The following PAPSS1 variants were observed in gnomAD, a reference collection of about 807,000 sequenced individuals.
PAPSS1 encodes 3'-phosphoadenosine 5'-phosphosulfate synthase 1.
PAPSS1 carries 50 observed loss-of-function variants against 72.0 expected under a neutral mutation model. That is an observed-to-expected ratio of 0.69 (90% CI 0.55 to 0.88). PAPSS1 has a LOEUF of 0.88. PAPSS1 is among the 40% of genes least tolerant of loss of function. PAPSS1 has a pLI of 0.00. For synonymous variants in PAPSS1, 261 were observed against 263.6 expected (o/e 0.99, Z 0.09); for missense variants, 657 against 782.2 (o/e 0.84, Z 1.91).
chr4:107,697,937 C>T (rs1723111544), intron 2 of PAPSS1, among the ~76,000 whole-genome samples: 1 of 152,170 alleles, frequency 6.6e-6, no homozygotes, highest in South Asian at 2.1e-4. Flanking sequence ...TCCGTCCACA[C>T]ACCAAGGACT....
intron 5 of PAPSS1, among the ~76,000 whole-genome samples, chr4:107,671,845 T>A (rs1727477511): frequency 6.6e-6 from 1 of 152,228 alleles, no homozygotes; most frequent in Non-Finnish European, 1.5e-5. Context: ...TTGTATTCTT[T>A]TTCATTGTTG....
chr4:107,614,634 T>C (rs753979177), intron 11 of PAPSS1, among the ~76,000 whole-genome samples: 5 of 152,172 alleles, frequency 3.3e-5, no homozygotes, highest in East Asian at 1.9e-4. Context: ...TAGAGTCACA[T>C]GAAATTGTAA....
At chr4:107,653,080 T>C (rs944476614) in intron 9 of PAPSS1, among the ~76,000 whole-genome samples, 2 of 148,598 alleles carry the variant, frequency 1.3e-5, no homozygotes, top group African/African-American at 4.9e-5. Context: ...TGAATACATA[T>C]ATGAATATAT....
chr4:107,697,261 A>G (rs891041911), intron 2 of PAPSS1, among the ~76,000 whole-genome samples: 1 of 152,252 alleles, frequency 6.6e-6, no homozygotes, highest in Non-Finnish European at 1.5e-5. Context: ...GCAAGCCCTA[A>G]GCATAGCTGC....
intron 2 of PAPSS1, among the ~76,000 whole-genome samples, chr4:107,700,837 C>T (rs1393968841): frequency 6.6e-6 from 1 of 152,120 alleles, no homozygotes; most frequent in Non-Finnish European, 1.5e-5. Flanking sequence ...GTTATAACAG[C>T]ATAAAATAGA....
chr4:107,653,426 G>GA (rs1337241175), intron 9 of PAPSS1, 65 bp downstream of exon 9: 104 of 1,502,442 alleles, frequency 6.9e-5, no homozygotes, highest in Non-Finnish European at 8.6e-5. Context: ...GTAAGCACTG[G>GA]AAAAAATCGT....
chr4:107,693,525 A>G (rs2125933352), intron 3 of PAPSS1, among the ~76,000 whole-genome samples: 1 of 152,350 alleles, frequency 6.6e-6, no homozygotes, highest in Non-Finnish European at 1.5e-5. Flanking sequence ...CTTAAATTCA[A>G]TGACTGTGTT....
chr4:107,710,264 A>G (rs571496919), intron 1 of PAPSS1, among the ~76,000 whole-genome samples: 2 of 152,256 alleles, frequency 1.3e-5, no homozygotes, highest in South Asian at 2.1e-4. Flanking sequence ...CACAGGAGAG[A>G]GAAACCAAGC....
chr4:107,657,415 C>T (rs11097958), intron 6 of PAPSS1, among the ~76,000 whole-genome samples: 4,587 of 152,196 alleles, frequency 0.03, 225 homozygotes, highest in African/African-American at 0.1. Context: ...AACCACTCTC[C>T]TTAACCAAGA....
At position 107,656,967 on chromosome 4, in the gene PAPSS1, G is replaced by T; in HGVS notation, c.824C>A (p.Ala275Glu). ...TCTCATAAAGCCATTCAATGGGGTTGCCCAACCTTCTGCCAAAACCTGCAC... is the reference window on the plus strand; with the variant it reads ...TCTCATAAAGCCATTCAATGGGGTTTCCCAACCTTCTGCCAAAACCTGCAC... Reference protein sequence around the residue: ...QWVQVLAEGWATPLNGFMRER... With the variant: ...QWVQVLAEGWETPLNGFMRER... The change falls in exon 7 of 12, where the codon GCA (alanine) becomes GAA (glutamate). Residue 275 changes from alanine (A) to glutamate (E), a missense_variant. Physicochemically the swap from Ala to Glu is moderately radical, Grantham distance 107. Coordinates refer to ENST00000265174, the MANE Select transcript of PAPSS1 (RefSeq NM_005443.5). 1 of 1,613,954 alleles carries T rather than the reference G, an allele frequency of 6.2e-7. No homozygotes were observed. Among genetic ancestry groups the T allele is most frequent in the Non-Finnish European group, 8.5e-7 (1 of 1,179,904 alleles).
intron 11 of PAPSS1, among the ~76,000 whole-genome samples, chr4:107,626,277 T>A (rs138773896): frequency 4.0e-4 from 61 of 152,224 alleles, no homozygotes; most frequent in African/African-American, 1.4e-3. Flanking sequence ...TATGTCCACC[T>A]GCCCATTCAT....
chr4:107,713,163 T>C (rs1723540688), intron 1 of PAPSS1, among the ~76,000 whole-genome samples: 1 of 152,014 alleles, frequency 6.6e-6, no homozygotes, highest in Non-Finnish European at 1.5e-5. Flanking sequence ...TTGGCCAGGC[T>C]AGTTGATACA....
At chr4:107,684,628 T>C (rs1301974554) in intron 4 of PAPSS1, among the ~76,000 whole-genome samples, 3 of 152,078 alleles carry the variant, frequency 2.0e-5, no homozygotes, top group East Asian at 1.9e-4. Context: ...CCTGAACAAT[T>C]CCCTTTCTAT....
At chr4:107,674,595 C>A (rs1479472992) in intron 5 of PAPSS1, among the ~76,000 whole-genome samples, 1 of 152,188 alleles carries the variant, frequency 6.6e-6, no homozygotes, top group African/African-American at 2.4e-5. Context: ...GAGACTTTAA[C>A]ACCTCACTGT....
intron 9 of PAPSS1, among the ~76,000 whole-genome samples, chr4:107,645,348 C>T (rs1180624912): frequency 6.6e-6 from 1 of 152,046 alleles, no homozygotes; most frequent in Non-Finnish European, 1.5e-5. Flanking sequence ...TTCTTGCATT[C>T]ATGGGAAATG....
chr4:107,714,970 T>C (rs12646656), intron 1 of PAPSS1, among the ~76,000 whole-genome samples: 73,678 of 151,952 alleles, frequency 0.48, 19,587 homozygotes, highest in South Asian at 0.65. Flanking sequence ...ACTCTGGAAA[T>C]TTCCTGTTCT....
chr4:107,692,335 CA>C (rs1191697389), intron 3 of PAPSS1, among the ~76,000 whole-genome samples: 2 of 152,044 alleles, frequency 1.3e-5, no homozygotes, highest in Admixed American at 1.3e-4. Context: ...AGGGTATGAA[CA>C]GACACTTCTC....
At chr4:107,717,325 A>G (rs1159460311) in intron 1 of PAPSS1, among the ~76,000 whole-genome samples, 1 of 125,932 alleles carries the variant, frequency 7.9e-6, no homozygotes, top group East Asian at 2.5e-4. Flanking sequence ...CAAATGCAAC[A>G]GGTTTAAAAT....
chr4:107,675,108 A>G (rs1199542594), intron 5 of PAPSS1, among the ~76,000 whole-genome samples: 1 of 152,210 alleles, frequency 6.6e-6, no homozygotes, highest in Non-Finnish European at 1.5e-5. Flanking sequence ...ACACCCTAAC[A>G]TCGCAATTAA....
Sources: allele counts gnomAD v4.1 joint callset (sites outside exome capture counted in the v4.1 genomes callset), GRCh38; gene constraint gnomAD v4.1.1; transcripts MANE v1.5; gene names NCBI Gene and HGNC (gene_info 2026-07-23, HGNC 2026-07-21).